Variants in ROBO2 observed in about 807,000 individuals in gnomAD.
ROBO2 encodes roundabout homolog 2.
ROBO2 carries 53 observed loss-of-function variants against 160.8 expected under a neutral mutation model. The ratio of observed to expected loss-of-function variants is 0.33; its 90% CI spans 0.26 to 0.41. ROBO2 has a LOEUF of 0.41. Ranked by LOEUF, ROBO2 falls within the 10% of genes least tolerant of loss-of-function variation. The probability of loss-of-function intolerance (pLI) is 1.00; values close to 1 mark genes in which losing one functional copy is unlikely to be tolerated. For synonymous variants in ROBO2, 664 were observed against 611.7 expected, an observed-to-expected ratio of 1.09 and a Z score of -1.26; for missense variants, 1,577 against 1,722.4, an observed-to-expected ratio of 0.92 and a Z score of 1.49.
chr3:77,590,892 T>C (rs2094164515), intron 17 of ROBO2, among the ~76,000 whole-genome samples: 1 of 152,086 alleles, frequency 6.6e-6, no homozygotes, highest in Non-Finnish European at 1.5e-5. Context: ...CCTGTTACAA[T>C]TTTTTATTGT....
At chr3:77,258,406 G>A (rs1180665737) in intron 2 of ROBO2, among the ~76,000 whole-genome samples, 1 of 152,010 alleles carries the variant, frequency 6.6e-6, no homozygotes, top group African/African-American at 2.4e-5. Flanking sequence ...ATATTTTTAA[G>A]TTTAGAAATT....
At chr3:77,337,065 T>C (rs556758244) in intron 2 of ROBO2, among the ~76,000 whole-genome samples, 3 of 152,286 alleles carry the variant, frequency 2.0e-5, no homozygotes, top group South Asian at 2.1e-4. Context: ...CATTGCAATT[T>C]TTATAGGACA....
At chr3:76,194,137 T>A (rs1440986884) in intron 2 of ROBO2, among the ~76,000 whole-genome samples, 3 of 151,868 alleles carry the variant, frequency 2.0e-5, no homozygotes, top group Non-Finnish European at 4.4e-5. Flanking sequence ...AGTTTAATTC[T>A]ACATTTATTT....
In ROBO2 at chr3:76,171,781, A is replaced by T. The variant is rs143911995; in HGVS notation, c.109+234179A>T. Among the ~76,000 whole-genome samples the T allele has an allele frequency of 6.5e-4, 99 of 152,222 alleles. 1 individual carries two copies. The highest frequency in any genetic ancestry group is 2.3e-3 in the African/African-American group (94 of 41,536). On this transcript the variant is annotated intron_variant, in intron 2 of 26. Transcript: ENST00000487694. Reference sequence around the variant, plus strand: ...GAAAATTATTATTTCTCTTTCTCTCATCTTATTGCTGAAGCTAAATATCTT... The same window carrying T: ...GAAAATTATTATTTCTCTTTCTCTCTTCTTATTGCTGAAGCTAAATATCTT...
intron 1 of ROBO2, among the ~76,000 whole-genome samples, chr3:77,083,219 C>T (rs2068871832): frequency 6.6e-6 from 1 of 152,120 alleles, no homozygotes; most frequent in African/African-American, 2.4e-5. Context: ...CTCATGGCAG[C>T]CTGAGTAAAT....
chr3:75,907,551 G>A (rs1313569533), intron 1 of ROBO2, among the ~76,000 whole-genome samples: 3 of 152,104 alleles, frequency 2.0e-5, no homozygotes, highest in Non-Finnish European at 4.4e-5. Flanking sequence ...CGGCAATATA[G>A]CTTAAAAGCC....
chr3:76,819,000 C>G (rs1314740033), intron 2 of ROBO2, among the ~76,000 whole-genome samples: 2 of 151,994 alleles, frequency 1.3e-5, no homozygotes, highest in East Asian at 3.9e-4. Context: ...CTTAGATTTT[C>G]TCCCTCAGAA....
At chr3:76,675,532 T>C (rs2092385753) in intron 2 of ROBO2, among the ~76,000 whole-genome samples, 1 of 152,178 alleles carries the variant, frequency 6.6e-6, no homozygotes, top group Non-Finnish European at 1.5e-5. Context: ...GTCCAGATCT[T>C]ACAATGACCT....
At chr3:76,832,417 T>G (rs947172777) in intron 2 of ROBO2, among the ~76,000 whole-genome samples, 30 of 152,134 alleles carry the variant, frequency 2.0e-4, no homozygotes, top group African/African-American at 7.0e-4. Context: ...TTAACAACTT[T>G]GGTTGCAGAG....
chr3:76,450,975 A>T (rs1226713735), intron 2 of ROBO2, among the ~76,000 whole-genome samples: 4 of 152,218 alleles, frequency 2.6e-5, no homozygotes, highest in African/African-American at 9.6e-5. Flanking sequence ...ACAAAGGTTA[A>T]TTTACCTCTC....
chr3:77,549,117 C>T (rs1375330967), intron 7 of ROBO2, among the ~76,000 whole-genome samples: 1 of 151,802 alleles, frequency 6.6e-6, no homozygotes, highest in Non-Finnish European at 1.5e-5. Context: ...GCTTGTAATC[C>T]ATTTTCTTTT....
chr3:76,744,646 G>T (rs1430533918), intron 2 of ROBO2, among the ~76,000 whole-genome samples: 1 of 152,024 alleles, frequency 6.6e-6, no homozygotes, highest in African/African-American at 2.4e-5. Context: ...ACAGAGTTCA[G>T]CCACCACGCC....
intron 2 of ROBO2, among the ~76,000 whole-genome samples, chr3:77,315,231 T>A (rs1227183008): frequency 6.6e-6 from 1 of 152,130 alleles, no homozygotes; most frequent in African/African-American, 2.4e-5. Flanking sequence ...ACTACATAAA[T>A]AGAAGCATGG....
chr3:77,213,210 CT>C (rs902428251), intron 2 of ROBO2, among the ~76,000 whole-genome samples: 4 of 151,088 alleles, frequency 2.6e-5, no homozygotes, highest in South Asian at 2.1e-4. Flanking sequence ...TGGTTCTGGA[CT>C]TTTTTTTTGG....
chr3:76,364,105 G>T (rs1483956672), intron 2 of ROBO2, among the ~76,000 whole-genome samples: 1 of 152,068 alleles, frequency 6.6e-6, no homozygotes, highest in Non-Finnish European at 1.5e-5. Context: ...ATATGTTCCA[G>T]CTATGCCAGC....
At chr3:77,324,332 C>T (rs1273876255) in intron 2 of ROBO2, among the ~76,000 whole-genome samples, 1 of 152,186 alleles carries the variant, frequency 6.6e-6, no homozygotes, top group Non-Finnish European at 1.5e-5. Flanking sequence ...TCTTTACCAA[C>T]TGTGATGAAA....
chr3:77,194,903 A>G (rs1474482149), intron 2 of ROBO2, among the ~76,000 whole-genome samples: 2 of 152,198 alleles, frequency 1.3e-5, no homozygotes, highest in Non-Finnish European at 1.5e-5. Flanking sequence ...TCATTGTATT[A>G]GTATAAATAT....
At chr3:77,251,411 G>A (rs4683988) in intron 2 of ROBO2, among the ~76,000 whole-genome samples, 72,998 of 151,902 alleles carry the variant, frequency 0.48, 19,074 homozygotes, top group Middle Eastern at 0.67. Flanking sequence ...GCAGTGCAGG[G>A]CAGTGAATGC....
intron 2 of ROBO2, among the ~76,000 whole-genome samples, chr3:76,017,615 CCAAA>C (rs1342781423): frequency 6.6e-6 from 1 of 152,028 alleles, no homozygotes; most frequent in Non-Finnish European, 1.5e-5. Context: ...AGGCTAAGGT[CCAAA>C]CACTTTGTCA....
Sources: gnomAD v4.1 joint callset for allele counts (sites outside exome capture counted in the v4.1 genomes callset) on GRCh38, gnomAD v4.1.1 for gene constraint, MANE v1.5 for transcripts, NCBI Gene and HGNC (gene_info 2026-07-23, HGNC 2026-07-21) for gene names.